Variants in IGF2BP3 observed in about 807,000 individuals in gnomAD.
The protein encoded by IGF2BP3 is insulin-like growth factor 2 mRNA-binding protein 3.
In IGF2BP3, 9 loss-of-function variants were observed where a neutral mutation model predicts 73.8. The ratio of observed to expected loss-of-function variants is 0.12; its 90% CI spans 0.07 to 0.21. The LOEUF is 0.21. IGF2BP3 is among the 10% of genes least tolerant of loss of function. The pLI, the probability that IGF2BP3 is intolerant of heterozygous loss-of-function variation, is 1.00. For synonymous variants in IGF2BP3, 258 were observed against 256.7 expected (o/e 1.01, Z -0.05); for missense variants, 542 against 714.0 (o/e 0.76, Z 2.75).
intron 2 of IGF2BP3, among the ~76,000 whole-genome samples, chr7:23,433,361 T>C (rs1253357070): frequency 6.6e-6 from 1 of 152,186 alleles, no homozygotes; most frequent in Non-Finnish European, 1.5e-5. Context: ...CTAGTCTGAA[T>C]TGAATCGTTC....
In IGF2BP3 at chr7:23,427,539, G is replaced by A. The variant is rs1787547443; in HGVS notation, c.237-8715C>T. 5.3e-5 allele frequency among the ~76,000 whole-genome samples: 8 copies of A among 152,034 alleles called. 1 individual carries two copies. In the South Asian group the frequency reaches 1.5e-3, roughly 28 times the overall value. ...GGTGGAAGGATCGCTTGATGCCAGGGCAATATAGCGAGACCTCGTCTCTAC... is the reference window on the plus strand; with the variant it reads ...GGTGGAAGGATCGCTTGATGCCAGGACAATATAGCGAGACCTCGTCTCTAC... On this transcript the variant is annotated intron_variant, in intron 2 of 14. Transcript: ENST00000258729.
chr7:23,364,380 A>C (rs1785313048), intron 3 of IGF2BP3, among the ~76,000 whole-genome samples: 1 of 151,006 alleles, frequency 6.6e-6, no homozygotes, highest in Non-Finnish European at 1.5e-5. Context: ...TCTAAAAAAA[A>C]AAAGAAAAAA....
In IGF2BP3 at chr7:23,421,086, T is replaced by A. The variant is rs373872198; in HGVS notation, c.237-2262A>T. ...ACTCAGTGGCACAATCTCAGCTCACTGCAGCCTCTGCCTCCCGGGTTCAGG... is the reference window on the plus strand; with the variant it reads ...ACTCAGTGGCACAATCTCAGCTCACAGCAGCCTCTGCCTCCCGGGTTCAGG... On this transcript the variant is annotated intron_variant, in intron 2 of 14. Transcript: ENST00000258729. Among the ~76,000 whole-genome samples the A allele has an allele frequency of 5.9e-5, 9 of 152,314 alleles. No homozygotes were observed. In the East Asian group the frequency reaches 9.7e-4, roughly 16 times the overall value.
rs1788672190 is a variant in IGF2BP3, at chr7:23,469,838, A to AG, written c.175+97dup. ...GCTCAGGCCTCACCCCCGCTCCCCC[A>AG]GCGCGCCGGGCCTGGGGCCCGCGGA... On this transcript the variant is annotated intron_variant, in intron 1 of 14. Transcript: ENST00000258729. The surrounding 1 kb of genome is among the most constrained non-coding windows in gnomAD (Gnocchi z 6.1). 1.3e-6 allele frequency: 1 copy of AG among 761,634 alleles called. No individual in the cohort carries two copies. Among genetic ancestry groups the AG allele is most frequent in the African/African-American group, 1.8e-5 (1 of 54,096 alleles). 47.2% of individuals were successfully genotyped at this position (761,634 alleles called of 1,614,324 possible). A position where few individuals can be genotyped will look rare whatever the true frequency, so the allele number is the denominator to read the frequency against.
chr7:23,435,558 C>T (rs1228853835), intron 2 of IGF2BP3, among the ~76,000 whole-genome samples: 3 of 151,274 alleles, frequency 2.0e-5, no homozygotes, highest in South Asian at 2.1e-4. Flanking sequence ...TGGGTTCAAG[C>T]GATTCTCCTG....
At chr7:23,347,448 T>C in intron 7 of IGF2BP3, 152 bp downstream of exon 7, 1 of 728,226 alleles carries the variant, frequency 1.4e-6, no homozygotes, top group Non-Finnish European at 2.3e-6. Context: ...AGACATACAC[T>C]TCACAACCAG....
intron 8 of IGF2BP3, among the ~76,000 whole-genome samples, chr7:23,345,392 C>T (rs1784804696): frequency 6.6e-6 from 1 of 152,184 alleles, no homozygotes; most frequent in African/African-American, 2.4e-5. Context: ...TCATAAAAGA[C>T]ATTGCAGTTT....
At chr7:23,401,439 C>T (rs994200289) in intron 3 of IGF2BP3, among the ~76,000 whole-genome samples, 12 of 152,154 alleles carry the variant, frequency 7.9e-5, no homozygotes, top group Admixed American at 7.9e-4. Context: ...ACAAAAAATA[C>T]AGCAGGAAGT....
At chr7:23,393,018 G>A (rs1244375174) in intron 3 of IGF2BP3, among the ~76,000 whole-genome samples, 1 of 152,148 alleles carries the variant, frequency 6.6e-6, no homozygotes, top group Non-Finnish European at 1.5e-5. Flanking sequence ...GGAGTTTCTA[G>A]AGGACACTCT....
In IGF2BP3 at chr7:23,360,849, C is replaced by G. The variant is rs1785207239; in HGVS notation, c.401+685G>C. ...ACACCCAGTGCTGTGCTACTGAGCA[C>G]TTTGTATGCCATTCTTTCATGTTCA... is the stretch of plus-strand genomic sequence containing the variant. On this transcript the variant is annotated intron_variant, in intron 5 of 14. Transcript: ENST00000258729. Among the ~76,000 whole-genome samples, 3 of 152,282 alleles carry G rather than the reference C, an allele frequency of 2.0e-5. No individual in the cohort carries two copies. The South Asian group carries it at 6.2e-4, about 32-fold the overall frequency.
intron 2 of IGF2BP3, among the ~76,000 whole-genome samples, chr7:23,442,195 T>C (rs1032621324): frequency 6.6e-6 from 1 of 152,202 alleles, no homozygotes; most frequent in Non-Finnish European, 1.5e-5. Flanking sequence ...TCTGTCTCCC[T>C]AGCACCTAGG....
chr7:23,333,720 A>T (rs1315524073), intron 10 of IGF2BP3, among the ~76,000 whole-genome samples: 1 of 152,242 alleles, frequency 6.6e-6, no homozygotes, highest in East Asian at 1.9e-4. Context: ...AAATAGAAGC[A>T]GCAGAGTTAG....
intron 3 of IGF2BP3, among the ~76,000 whole-genome samples, chr7:23,391,971 C>T (rs983125915): frequency 3.9e-5 from 6 of 152,126 alleles, no homozygotes; most frequent in Non-Finnish European, 8.8e-5. Flanking sequence ...AACTGAAAAT[C>T]GAACAACCCA....
intron 2 of IGF2BP3, among the ~76,000 whole-genome samples, chr7:23,422,384 G>A (rs1047441996): frequency 2.0e-5 from 3 of 152,152 alleles, no homozygotes; most frequent in African/African-American, 7.2e-5. Flanking sequence ...GGTGGGAGGA[G>A]TGCTTAAGGC....
intron 3 of IGF2BP3, among the ~76,000 whole-genome samples, chr7:23,369,310 C>T (rs1397432773): frequency 1.3e-5 from 2 of 152,128 alleles, no homozygotes; most frequent in Non-Finnish European, 2.9e-5. Context: ...AGATTGAGCC[C>T]TGGTGTCACC....
chr7:23,463,899 T>TGAGCAC (rs1430675017), intron 2 of IGF2BP3, among the ~76,000 whole-genome samples: 1 of 152,244 alleles, frequency 6.6e-6, no homozygotes, highest in Non-Finnish European at 1.5e-5. Context: ...GATCTTAAAC[T>TGAGCAC]GAGCACTTGA....
chr7:23,401,417 C>A (rs1046498217), intron 3 of IGF2BP3, among the ~76,000 whole-genome samples: 2 of 152,144 alleles, frequency 1.3e-5, no homozygotes, highest in African/African-American at 4.8e-5. Flanking sequence ...TTCCATCATT[C>A]AAACTCACAG....
At chr7:23,325,711 G>C (rs1224046320) in intron 10 of IGF2BP3, among the ~76,000 whole-genome samples, 2 of 152,182 alleles carry the variant, frequency 1.3e-5, no homozygotes, top group African/African-American at 2.4e-5. Context: ...CATGGGACTG[G>C]TACCAAAACA....
intron 12 of IGF2BP3, among the ~76,000 whole-genome samples, chr7:23,315,670 T>C (rs1370661738): frequency 2.6e-5 from 4 of 152,202 alleles, no homozygotes; most frequent in Admixed American, 2.6e-4. Context: ...TGATCCTTAA[T>C]GCCTCAGGCC....
Sources: allele counts gnomAD v4.1 joint callset (sites outside exome capture counted in the v4.1 genomes callset), GRCh38; gene constraint gnomAD v4.1.1; non-coding constraint Gnocchi (gnomAD v3.1); transcripts MANE v1.5; gene names NCBI Gene and HGNC (gene_info 2026-07-23, HGNC 2026-07-21).